ERC2: variants seen among roughly 807,000 people sequenced by gnomAD.
The protein encoded by ERC2 is ELKS/RAB6-interacting/CAST family member 2, also known as ERC protein 2.
A neutral mutation model predicts 114.8 loss-of-function variants in ERC2; 42 were observed. The ratio of observed to expected loss-of-function variants is 0.37; its 90% CI spans 0.29 to 0.47. The LOEUF is 0.47. ERC2 is among the 20% of genes least tolerant of loss of function. The pLI is 0.99. For synonymous variants in ERC2, 454 were observed against 425.5 expected, an observed-to-expected ratio of 1.07 and a Z score of -0.82; for missense variants, 939 against 1,150.7, an observed-to-expected ratio of 0.82 and a Z score of 2.66.
chr3:55,604,415 G>C (rs933539315), intron 17 of ERC2, among the ~76,000 whole-genome samples: 1 of 151,996 alleles, frequency 6.6e-6, no homozygotes, highest in African/African-American at 2.4e-5. Flanking sequence ...TTTATAATGT[G>C]AAAAAAATAC....
intron 14 of ERC2, among the ~76,000 whole-genome samples, chr3:55,880,968 G>A (rs1454427278): frequency 6.6e-6 from 1 of 151,972 alleles, no homozygotes; most frequent in Non-Finnish European, 1.5e-5. Flanking sequence ...ATCCCCATAA[G>A]ATCTCTGTGG....
chr3:56,166,196 T>G (rs1218894467), intron 4 of ERC2, among the ~76,000 whole-genome samples: 1 of 152,040 alleles, frequency 6.6e-6, no homozygotes, highest in Non-Finnish European at 1.5e-5. Context: ...ACATGATTGA[T>G]AGCCAAATAT....
At chr3:55,790,660 G>C (rs1159442589) in intron 14 of ERC2, among the ~76,000 whole-genome samples, 1 of 152,198 alleles carries the variant, frequency 6.6e-6, no homozygotes, top group African/African-American at 2.4e-5. Context: ...TCAAATCCTT[G>C]TCTGAAGGCC....
intron 1 of ERC2, among the ~76,000 whole-genome samples, chr3:56,459,862 C>T (rs2063232010): frequency 6.6e-6 from 1 of 152,208 alleles, no homozygotes; most frequent in African/African-American, 2.4e-5. Context: ...GTGCCAGCAA[C>T]TAGAGATTCC....
At chr3:55,870,812 C>G (rs1005930294) in intron 14 of ERC2, among the ~76,000 whole-genome samples, 5 of 152,202 alleles carry the variant, frequency 3.3e-5, no homozygotes, top group Admixed American at 2.0e-4. Flanking sequence ...TTCCTTGGCT[C>G]AAAGCCAACT....
chr3:55,738,211 T>G (rs1003873887), intron 14 of ERC2, among the ~76,000 whole-genome samples: 5 of 152,120 alleles, frequency 3.3e-5, no homozygotes, highest in African/African-American at 1.2e-4. Context: ...CTTCATAGTT[T>G]TCGACATACA....
intron 7 of ERC2, among the ~76,000 whole-genome samples, chr3:56,048,433 T>C (rs1246469520): frequency 6.6e-6 from 1 of 152,218 alleles, no homozygotes; most frequent in Non-Finnish European, 1.5e-5. Flanking sequence ...ACCATAGTCA[T>C]CTGCCCACTA....
intron 7 of ERC2, among the ~76,000 whole-genome samples, chr3:56,040,556 T>A (rs1207320110): frequency 8.2e-6 from 1 of 121,526 alleles, no homozygotes; most frequent in Non-Finnish European, 1.8e-5. Context: ...TCTATATATG[T>A]ATATAGAGAT....
At chr3:55,694,886 T>G (rs1451486198) in intron 16 of ERC2, among the ~76,000 whole-genome samples, 1 of 152,140 alleles carries the variant, frequency 6.6e-6, no homozygotes, top group Admixed American at 6.5e-5. Flanking sequence ...GCCTGGCATT[T>G]TAAGTTGGCT....
intron 3 of ERC2, among the ~76,000 whole-genome samples, chr3:56,179,091 A>C (rs1321195905): frequency 2.6e-5 from 4 of 151,940 alleles, no homozygotes; most frequent in Admixed American, 2.6e-4. Flanking sequence ...AAAAACTCAT[A>C]ATGTTTTAAG....
intron 17 of ERC2, among the ~76,000 whole-genome samples, chr3:55,515,673 C>CA (rs1178534315): frequency 6.7e-6 from 1 of 150,248 alleles, no homozygotes; most frequent in Non-Finnish European, 1.5e-5. Context: ...GGGACTGCTG[C>CA]TCTTGACTTG....
At chr3:55,575,699 C>T (rs1346168415) in intron 17 of ERC2, among the ~76,000 whole-genome samples, 1 of 152,192 alleles carries the variant, frequency 6.6e-6, no homozygotes, top group Admixed American at 6.5e-5. Context: ...CAGGCCTTCT[C>T]CAGCTCCACT....
chr3:55,794,560 A>C (rs2070321020), intron 14 of ERC2, among the ~76,000 whole-genome samples: 1 of 152,246 alleles, frequency 6.6e-6, no homozygotes, highest in African/African-American at 2.4e-5. Flanking sequence ...AAAAGTAAAA[A>C]ATACAAGAGA....
chr3:56,080,723 T>C, intron 7 of ERC2, 94 bp downstream of exon 7: 1 of 1,288,748 alleles, frequency 7.8e-7, no homozygotes, highest in African/African-American at 1.5e-5. Flanking sequence ...TAAAGATTCG[T>C]AAAAGATCAC....
chr3:56,449,104 A>T (rs928310146), intron 1 of ERC2, among the ~76,000 whole-genome samples: 8 of 146,300 alleles, frequency 5.5e-5, no homozygotes, highest in African/African-American at 2.0e-4. Context: ...TGGTAGTTGG[A>T]TTTGGCCCAC....
intron 15 of ERC2, among the ~76,000 whole-genome samples, chr3:55,711,350 T>A (rs1359964792): frequency 6.6e-6 from 1 of 152,198 alleles, no homozygotes; most frequent in Non-Finnish European, 1.5e-5. Context: ...ATGTTCTCCC[T>A]CCCTCTGCTC....
intron 17 of ERC2, among the ~76,000 whole-genome samples, chr3:55,673,521 T>C (rs947853749): frequency 6.6e-6 from 1 of 152,000 alleles, no homozygotes; most frequent in African/African-American, 2.4e-5. Context: ...AGACGGAGGT[T>C]GCAGTCAGCC....
intron 7 of ERC2, among the ~76,000 whole-genome samples, chr3:56,021,148 G>A (rs2073686821): frequency 6.6e-6 from 1 of 152,012 alleles, no homozygotes; most frequent in Non-Finnish European, 1.5e-5. Flanking sequence ...TGACTCTTAA[G>A]AGAAAAAAAT....
chr3:56,033,009 AAGAAAGAAAGAAAAAAGAAAC>A (rs1560057871), intron 7 of ERC2, among the ~76,000 whole-genome samples: 10 of 141,844 alleles, frequency 7.1e-5, no homozygotes, highest in East Asian at 4.9e-4. Context: ...GAAAGAAAGA[AAGAAAGAAAGAAAAAAGAAAC>A]AGAAAGAAAG....
Sources: gnomAD v4.1 joint callset for allele counts (sites outside exome capture counted in the v4.1 genomes callset) on GRCh38, gnomAD v4.1.1 for gene constraint, MANE v1.5 for transcripts, NCBI Gene and HGNC (gene_info 2026-07-23, HGNC 2026-07-21) for gene names.